Variants in RHPN2 observed in about 807,000 individuals in gnomAD.
The protein encoded by RHPN2 is rhophilin Rho GTPase binding protein 2, also known as rhophilin-2.
A neutral mutation model predicts 79.0 loss-of-function variants in RHPN2; 40 were observed. The ratio of observed to expected loss-of-function variants is 0.51; its 90% confidence interval spans 0.39 to 0.66. RHPN2 has a LOEUF of 0.66. Ranked by LOEUF, RHPN2 falls within the 30% of genes least tolerant of loss-of-function variation. The pLI is 0.00. For synonymous variants in RHPN2, 285 were observed against 363.5 expected (o/e 0.78, Z 2.46); for missense variants, 686 against 883.5 (o/e 0.78, Z 2.83).
At chr19:32,981,511 A>G (rs375828672) in intron 14 of RHPN2, among the ~76,000 whole-genome samples, 1 of 79,844 alleles carries the variant, frequency 1.3e-5, no homozygotes, top group South Asian at 5.1e-4. Flanking sequence ...AAGGGAAGGG[A>G]AAAAAAAAAA....
intron 1 of RHPN2, among the ~76,000 whole-genome samples, chr19:33,052,716 T>A (rs116030383): frequency 2.0e-5 from 3 of 152,262 alleles, no homozygotes; most frequent in African/African-American, 7.2e-5. Context: ...TCCATGTCCA[T>A]AAAAATAAAA....
At chr19:33,064,639 C>T in intron 1 of RHPN2, 145 bp downstream of exon 1, 1 of 812,546 alleles carries the variant, frequency 1.2e-6, no homozygotes, top group Non-Finnish European at 1.8e-6. Flanking sequence ...CGCCAGCCTC[C>T]GTCCGGCCAG....
chr19:33,046,091 C>CGATTCAT (rs1972140513), intron 1 of RHPN2, among the ~76,000 whole-genome samples: 1 of 151,452 alleles, frequency 6.6e-6, no homozygotes, highest in South Asian at 2.1e-4. Flanking sequence ...TGTACTTTAT[C>CGATTCAT]CATTCATCAT....
intron 9 of RHPN2, among the ~76,000 whole-genome samples, chr19:33,001,557 A>G (rs1156961854): frequency 6.6e-6 from 1 of 152,060 alleles, no homozygotes; most frequent in Non-Finnish European, 1.5e-5. Flanking sequence ...ATAATAAAAT[A>G]AAATAAAATT....
Position 32,990,575 on chromosome 19 carries a change from C to T in RHPN2, c.1739G>A (p.Ser580Asn). The T allele has an allele frequency of 6.2e-7, 1 of 1,613,882 alleles. No homozygotes were observed. Among genetic ancestry groups the T allele is most frequent in the South Asian group, 1.1e-5 (1 of 91,074 alleles). The change falls in exon 14 of 15, where the codon AGC becomes AAC. Residue 580 changes from serine (S) to asparagine (N), a missense_variant. By Grantham distance (46) the Ser-to-Asn change is conservative. Coordinates refer to ENST00000254260, the MANE Select transcript of RHPN2 (RefSeq NM_033103.5). ...CATCTCGATCTCGTCCTCGCCAAAG[C>T]TCTTCAGCAGCTTCATAACCTCACT... is the stretch of plus-strand genomic sequence containing the variant. ...TLSEVMKLLKSFGEDEIEMKV... is the reference protein window; with the variant it reads ...TLSEVMKLLKNFGEDEIEMKV...
intron 6 of RHPN2, 93 bp from the exon 7 acceptor site, chr19:33,008,273 T>A (rs1599815962): frequency 5.8e-6 from 7 of 1,212,140 alleles, no homozygotes; most frequent in East Asian, 2.6e-5. Flanking sequence ...TTTTTAAGAG[T>A]CAATATCTCA....
intron 3 of RHPN2, among the ~76,000 whole-genome samples, chr19:33,025,120 G>A (rs1036400706): frequency 2.0e-5 from 3 of 152,012 alleles, no homozygotes; most frequent in Admixed American, 6.6e-5. Flanking sequence ...TGGCTTTCAC[G>A]TTGAAGAAAT....
intron 10 of RHPN2, among the ~76,000 whole-genome samples, chr19:32,998,836 G>A (rs919656220): frequency 2.3e-5 from 3 of 132,154 alleles, no homozygotes; most frequent in African/African-American, 8.6e-5. Context: ...GTGAGGGGAG[G>A]AGAGGAAGGA....
At chr19:33,021,027 A>G (rs1395308620) in intron 4 of RHPN2, among the ~76,000 whole-genome samples, 1 of 152,222 alleles carries the variant, frequency 6.6e-6, no homozygotes, top group Non-Finnish European at 1.5e-5. Flanking sequence ...TTCTAAAGAC[A>G]TAACCTAAAC....
intron 1 of RHPN2, among the ~76,000 whole-genome samples, chr19:33,053,857 G>C (rs950801102): frequency 6.7e-6 from 1 of 148,956 alleles, no homozygotes; most frequent in Non-Finnish European, 1.5e-5. Context: ...GTGAGCCACC[G>C]CGCCCAGTCT....
chr19:33,030,671 CAA>C (rs1316571612), intron 2 of RHPN2, among the ~76,000 whole-genome samples: 3 of 152,180 alleles, frequency 2.0e-5, no homozygotes, highest in African/African-American at 7.2e-5. Flanking sequence ...GCCCCTGCAA[CAA>C]AAGTCTCACA....
intron 4 of RHPN2, among the ~76,000 whole-genome samples, chr19:33,018,139 C>T (rs907811232): frequency 2.6e-5 from 4 of 151,038 alleles, no homozygotes; most frequent in East Asian, 3.9e-4. Flanking sequence ...GGCAACAGAG[C>T]GAGGCTTCAT....
rs1281750381 is a variant in RHPN2 at position 33,036,877 on chromosome 19, C to A, written c.185+7372G>T. On this transcript the variant is annotated intron_variant, in intron 2 of 14. Transcript: ENST00000254260. ...GTAGCCCGCCATGCCTGAGCCCCCCCGCCACCCTCTGTGGGCTCCTGTGTA... is the reference window on the plus strand; with the variant it reads ...GTAGCCCGCCATGCCTGAGCCCCCCAGCCACCCTCTGTGGGCTCCTGTGTA... Among the ~76,000 whole-genome samples, 9 of 145,128 alleles carry A rather than the reference C, an allele frequency of 6.2e-5. No homozygotes were observed. The East Asian group carries it at 1.3e-3, about 21-fold the overall frequency.
At chr19:32,985,288 T>TG (rs1428028264) in intron 14 of RHPN2, among the ~76,000 whole-genome samples, 1 of 152,202 alleles carries the variant, frequency 6.6e-6, no homozygotes, top group African/African-American at 2.4e-5. Context: ...CACTCCAGCC[T>TG]GGGCAACTGA....
intron 4 of RHPN2, among the ~76,000 whole-genome samples, chr19:33,019,031 C>CAAAAAA (rs71301619): frequency 9.5e-6 from 1 of 105,360 alleles, no homozygotes. Flanking sequence ...AACTCCAGCT[C>CAAAAAA]AAAAAAAAAA....
intron 2 of RHPN2, among the ~76,000 whole-genome samples, chr19:33,035,246 C>T (rs1321358159): frequency 2.6e-5 from 4 of 151,976 alleles, no homozygotes; most frequent in African/African-American, 7.2e-5. Flanking sequence ...GGATTACAGG[C>T]GTGAGCCACC....
At chr19:33,032,012 C>G (rs993548334) in intron 2 of RHPN2, among the ~76,000 whole-genome samples, 1 of 131,172 alleles carries the variant, frequency 7.6e-6, no homozygotes. Flanking sequence ...GCCACCGGGC[C>G]GGTCTTTTTT....
chr19:33,009,334 T>C lies in RHPN2; in HGVS notation c.594-1154A>G, dbSNP rs1176094794. 4.6e-5 allele frequency among the ~76,000 whole-genome samples: 7 copies of C among 151,802 alleles called. No individual in the cohort carries two copies. The East Asian group carries it at 1.3e-3, about 29-fold the overall frequency. On this transcript the variant is annotated intron_variant, in intron 6 of 14. Coordinates refer to ENST00000254260, the MANE Select transcript of RHPN2 (RefSeq NM_033103.5). Reference sequence around the variant, plus strand: ...GGCTGGGAGCGGTGGCTCATGCCAGTAATCCCAGCACTTTGGGAGGCCAAG... The same window carrying C: ...GGCTGGGAGCGGTGGCTCATGCCAGCAATCCCAGCACTTTGGGAGGCCAAG...
intron 2 of RHPN2, among the ~76,000 whole-genome samples, chr19:33,041,977 C>T (rs1406458690): frequency 6.6e-6 from 1 of 151,760 alleles, no homozygotes; most frequent in East Asian, 1.9e-4. Context: ...GAGGCCAAGA[C>T]TTTGAGACAA....
Sources: allele counts gnomAD v4.1 joint callset (sites outside exome capture counted in the v4.1 genomes callset), GRCh38; gene constraint gnomAD v4.1.1; transcripts MANE v1.5; gene names NCBI Gene and HGNC (gene_info 2026-07-23, HGNC 2026-07-21).